ZMAT4: variants seen among roughly 807,000 people sequenced by gnomAD.
ZMAT4 encodes the protein zinc finger matrin-type protein 4.
A neutral mutation model predicts 28.7 loss-of-function variants in ZMAT4; 17 were observed. The observed-to-expected ratio is 0.59, with a 90% CI of 0.41 to 0.89. The LOEUF (loss-of-function observed/expected upper bound fraction) is 0.89, where lower values mean the gene tolerates loss of function less well. Ranked by LOEUF, ZMAT4 falls within the 40% of genes least tolerant of loss-of-function variation. The pLI, the probability that ZMAT4 is intolerant of heterozygous loss-of-function variation, is 0.00. For missense variants in ZMAT4, 240 were observed against 283.8 expected (o/e 0.85, Z 1.11); for synonymous variants, 117 against 109.2 (o/e 1.07, Z -0.44).
intron 1 of ZMAT4, among the ~76,000 whole-genome samples, chr8:40,843,189 CT>C (rs1356790976): frequency 1.3e-5 from 2 of 152,246 alleles, no homozygotes; most frequent in Non-Finnish European, 2.9e-5. Flanking sequence ...CCCATCTCTT[CT>C]AAATGGAGCA....
chr8:40,580,015 T>A (rs1451686), intron 6 of ZMAT4, among the ~76,000 whole-genome samples: 12,915 of 144,172 alleles, frequency 0.09, 1,192 homozygotes, highest in East Asian at 0.53. Flanking sequence ...TTCATCTTTT[T>A]TTTTTTTTTT....
chr8:40,554,049 T>C (rs1179491335), intron 6 of ZMAT4, among the ~76,000 whole-genome samples: 1 of 152,136 alleles, frequency 6.6e-6, no homozygotes, highest in Non-Finnish European at 1.5e-5. Flanking sequence ...TGTCTTGTCA[T>C]GTCATATCAT....
At chr8:40,560,140 A>G (rs182498519) in intron 6 of ZMAT4, among the ~76,000 whole-genome samples, 8 of 152,022 alleles carry the variant, frequency 5.3e-5, no homozygotes, top group African/African-American at 1.9e-4. Context: ...AGCTCAAGCT[A>G]GTCACACAGT....
intron 6 of ZMAT4, among the ~76,000 whole-genome samples, chr8:40,544,370 A>G (rs1246309611): frequency 6.6e-6 from 1 of 152,198 alleles, no homozygotes; most frequent in Non-Finnish European, 1.5e-5. Context: ...ACATATAGCC[A>G]CAGGTAAGAC....
chr8:40,654,239 C>G (rs2118831394), intron 5 of ZMAT4, among the ~76,000 whole-genome samples: 1 of 152,092 alleles, frequency 6.6e-6, no homozygotes, highest in East Asian at 1.9e-4. Flanking sequence ...AGCACCATTA[C>G]CTATACAGTC....
chr8:40,722,694 C>G (rs1373622455), intron 3 of ZMAT4, among the ~76,000 whole-genome samples: 1 of 152,118 alleles, frequency 6.6e-6, no homozygotes, highest in African/African-American at 2.4e-5. Context: ...CATACACCAC[C>G]AACAAACACC....
intron 1 of ZMAT4, among the ~76,000 whole-genome samples, chr8:40,862,213 A>AT (rs1817519053): frequency 1.3e-5 from 2 of 152,166 alleles, no homozygotes; most frequent in Non-Finnish European, 2.9e-5. Flanking sequence ...AATTTGGCAC[A>AT]TATACACCAT....
chr8:40,604,158 T>C (rs1406989508), intron 5 of ZMAT4, among the ~76,000 whole-genome samples: 1 of 152,182 alleles, frequency 6.6e-6, no homozygotes, highest in Non-Finnish European at 1.5e-5. Context: ...AATCCTATCG[T>C]CAGTGAACAG....
intron 3 of ZMAT4, among the ~76,000 whole-genome samples, chr8:40,699,497 C>G (rs1180622111): frequency 1.3e-5 from 2 of 151,890 alleles, no homozygotes; most frequent in African/African-American, 2.4e-5. Context: ...AAAAAGATAA[C>G]TTCACTCTTA....
At chr8:40,610,820 A>T (rs1466656607) in intron 5 of ZMAT4, among the ~76,000 whole-genome samples, 1 of 152,006 alleles carries the variant, frequency 6.6e-6, no homozygotes, top group Non-Finnish European at 1.5e-5. Context: ...CAAAAAGGGG[A>T]ATAAGAGATA....
At chr8:40,735,141 T>G (rs1436464474) in intron 3 of ZMAT4, among the ~76,000 whole-genome samples, 2 of 152,150 alleles carry the variant, frequency 1.3e-5, no homozygotes, top group Non-Finnish European at 2.9e-5. Context: ...AACTCCAAAT[T>G]TAATATATAA....
intron 3 of ZMAT4, among the ~76,000 whole-genome samples, chr8:40,737,109 G>A (rs549854132): frequency 3.3e-5 from 5 of 152,226 alleles, no homozygotes; most frequent in Non-Finnish European, 5.9e-5. Flanking sequence ...ACAACACAGA[G>A]AGCACATTTA....
At chr8:40,820,861 T>TTGTG in intron 2 of ZMAT4, among the ~76,000 whole-genome samples, 1 of 37,926 alleles carries the variant, frequency 2.6e-5, no homozygotes, top group East Asian at 6.2e-4. Flanking sequence ...TTATGTGTGT[T>TTGTG]TGTGTGTTTA....
At chr8:40,724,850 G>A (rs1321891531) in intron 3 of ZMAT4, among the ~76,000 whole-genome samples, 1 of 152,160 alleles carries the variant, frequency 6.6e-6, no homozygotes, top group Non-Finnish European at 1.5e-5. Context: ...AGATGAAGTG[G>A]ATAGGGAGGC....
chr8:40,788,610 A>G (rs1431984151), intron 2 of ZMAT4, among the ~76,000 whole-genome samples: 4 of 152,138 alleles, frequency 2.6e-5, no homozygotes, highest in Non-Finnish European at 5.9e-5. Context: ...CAAAGGAAAC[A>G]TCACATTTGG....
intron 1 of ZMAT4, among the ~76,000 whole-genome samples, chr8:40,863,228 G>C (rs1471873909): frequency 2.6e-5 from 4 of 152,070 alleles, no homozygotes; most frequent in Non-Finnish European, 5.9e-5. Flanking sequence ...GTAGGGGAGT[G>C]AGGTGATCTG....
At chr8:40,733,604 GA>G (rs1051251562) in intron 3 of ZMAT4, among the ~76,000 whole-genome samples, 15 of 151,766 alleles carry the variant, frequency 9.9e-5, no homozygotes, top group African/African-American at 3.6e-4. Context: ...CAATTTCAGG[GA>G]CAGGCCAACG....
At chr8:40,603,404 C>A (rs561285751) in intron 5 of ZMAT4, among the ~76,000 whole-genome samples, 7 of 152,008 alleles carry the variant, frequency 4.6e-5, no homozygotes, top group African/African-American at 1.7e-4. Context: ...TTTGGCTATG[C>A]GGACTCTTTT....
intron 1 of ZMAT4, among the ~76,000 whole-genome samples, chr8:40,860,671 T>C (rs908131142): frequency 6.6e-6 from 1 of 152,234 alleles, no homozygotes; most frequent in African/African-American, 2.4e-5. Flanking sequence ...ACATACTACA[T>C]GTCTCTCACT....
Sources: gnomAD v4.1 joint callset for allele counts (sites outside exome capture counted in the v4.1 genomes callset) on GRCh38, gnomAD v4.1.1 for gene constraint, MANE v1.5 for transcripts, NCBI Gene and HGNC (gene_info 2026-07-23, HGNC 2026-07-21) for gene names.